Variants in LAMC1 observed in about 807,000 individuals in gnomAD.
LAMC1 encodes laminin subunit gamma 1, also known as laminin subunit gamma-1.
Under a neutral mutation model 173.6 loss-of-function variants are expected in LAMC1, and 38 were observed. The observed-to-expected ratio is 0.22, with a 90% CI of 0.17 to 0.29. LAMC1 has a LOEUF of 0.29. Ranked by LOEUF, LAMC1 falls within the 10% of genes least tolerant of loss-of-function variation. The pLI is 1.00. For synonymous variants in LAMC1, 746 were observed against 749.1 expected, an observed-to-expected ratio of 1.00 and a Z score of 0.07; for missense variants, 1,824 against 2,051.8, an observed-to-expected ratio of 0.89 and a Z score of 2.14.
chr1:183,131,600 A>G (rs1656793393), intron 20 of LAMC1, among the ~76,000 whole-genome samples: 1 of 152,216 alleles, frequency 6.6e-6, no homozygotes, highest in South Asian at 2.1e-4. Context: ...TTTGAATATT[A>G]GAATACAATG....
At chr1:183,114,483 TC>T in intron 4 of LAMC1, 47 bp from the exon 5 acceptor site, 1 of 1,588,078 alleles carries the variant, frequency 6.3e-7, no homozygotes, top group Middle Eastern at 1.7e-4. Context: ...AAAATGCTCT[TC>T]TTAAAGGTAC....
intron 1 of LAMC1, among the ~76,000 whole-genome samples, chr1:183,102,881 G>A (rs917051091): frequency 2.0e-5 from 3 of 152,206 alleles, no homozygotes; most frequent in Admixed American, 6.5e-5. Context: ...CAAGAGTAAC[G>A]TTACAGTTAA....
chr1:183,121,802 C>T lies in LAMC1; in HGVS notation c.2070C>T (p.Cys690=). The change falls in exon 12 of 28, where the codon TGC becomes TGT. Residue 690 remains cysteine, a synonymous_variant. Coordinates refer to ENST00000258341, the MANE Select transcript of LAMC1 (RefSeq NM_002293.4). ...PGVPATWVES[C]TCPVGYGGQF... is the part of the protein sequence containing the mutation. ...TCCCTGCAACTTGGGTGGAGTCCTG[C>T]ACCTGTCCTGTGGGATATGGAGGGC... is the stretch of plus-strand genomic sequence containing the variant. The T allele has an allele frequency of 1.2e-6, 2 of 1,614,180 alleles. No homozygotes were observed. The highest frequency in any genetic ancestry group is 1.7e-6 in the Non-Finnish European group (2 of 1,180,014).
chr1:183,042,910 A>G (rs969626946), intron 1 of LAMC1, among the ~76,000 whole-genome samples: 4 of 152,146 alleles, frequency 2.6e-5, no homozygotes, highest in Non-Finnish European at 5.9e-5. Flanking sequence ...CCACATGGGC[A>G]TTGTCTGAAT....
At chr1:183,133,658 A>C in intron 22 of LAMC1, 108 bp downstream of exon 22, 2 of 1,131,416 alleles carry the variant, frequency 1.8e-6, no homozygotes, top group South Asian at 3.8e-5. Context: ...TCGCTGGTAA[A>C]GTTGAGTCTT....
At chr1:183,036,537 C>A (rs1338970527) in intron 1 of LAMC1, among the ~76,000 whole-genome samples, 1 of 149,364 alleles carries the variant, frequency 6.7e-6, no homozygotes, top group Admixed American at 6.7e-5. Flanking sequence ...CAAGTAGCTG[C>A]GATTACAGGC....
intron 19 of LAMC1, 44 bp downstream of exon 19, chr1:183,130,593 T>G (rs1361498876): frequency 6.6e-7 from 1 of 1,526,190 alleles, no homozygotes; most frequent in Admixed American, 1.7e-5. Context: ...GGGAGGCCCC[T>G]GGGGTTTGTA....
intron 1 of LAMC1, among the ~76,000 whole-genome samples, chr1:183,075,230 G>C (rs1412884384): frequency 6.6e-6 from 1 of 150,746 alleles, no homozygotes; most frequent in Admixed American, 6.6e-5. Flanking sequence ...AGGCTCACAT[G>C]ATTCTCCCAC....
intron 1 of LAMC1, among the ~76,000 whole-genome samples, chr1:183,077,814 T>A (rs910689642): frequency 8.4e-5 from 11 of 130,878 alleles, no homozygotes; most frequent in East Asian, 2.2e-4. Flanking sequence ...ACAGTTTTTT[T>A]ATTCACTCAT....
At chr1:183,029,011 A>G (rs1008370038) in intron 1 of LAMC1, among the ~76,000 whole-genome samples, 2 of 152,172 alleles carry the variant, frequency 1.3e-5, no homozygotes, top group Non-Finnish European at 2.9e-5. Flanking sequence ...TATCTCAGTG[A>G]ACTACACTGC....
chr1:183,066,705 A>G (rs1654882279), intron 1 of LAMC1, among the ~76,000 whole-genome samples: 1 of 152,208 alleles, frequency 6.6e-6, no homozygotes, highest in Non-Finnish European at 1.5e-5. Flanking sequence ...TAACACAGGA[A>G]CAGAAAACCA....
At chr1:183,102,799 CCTT>C (rs1655868502) in intron 1 of LAMC1, among the ~76,000 whole-genome samples, 1 of 152,140 alleles carries the variant, frequency 6.6e-6, no homozygotes, top group African/African-American at 2.4e-5. Context: ...CACTGTCCTC[CCTT>C]CTTCAAATGT....
chr1:183,073,643 A>G (rs545220937), intron 1 of LAMC1, among the ~76,000 whole-genome samples: 1 of 152,346 alleles, frequency 6.6e-6, no homozygotes, highest in South Asian at 2.1e-4. Context: ...GGTGTCTGGT[A>G]TAAGCAAGTG....
intron 1 of LAMC1, among the ~76,000 whole-genome samples, chr1:183,088,343 A>G (rs1443526105): frequency 3.9e-5 from 6 of 152,228 alleles, no homozygotes; most frequent in Non-Finnish European, 8.8e-5. Context: ...ACAGTGCCCT[A>G]GGGATTGTAG....
chr1:183,063,718 T>C (rs1274488119), intron 1 of LAMC1, among the ~76,000 whole-genome samples: 1 of 152,236 alleles, frequency 6.6e-6, no homozygotes, highest in Non-Finnish European at 1.5e-5. Flanking sequence ...GTCTCATCAA[T>C]TCCATTTGAA....
chr1:183,045,792 G>A (rs2102018895), intron 1 of LAMC1, among the ~76,000 whole-genome samples: 1 of 152,076 alleles, frequency 6.6e-6, no homozygotes, highest in South Asian at 2.1e-4. Flanking sequence ...GTGTTAATAG[G>A]CCTGTTGATC....
Position 183,134,736 on chromosome 1 carries a change from A to C in LAMC1, c.3926A>C (p.Asp1309Ala). 1 of 1,612,580 alleles carries C rather than the reference A, an allele frequency of 6.2e-7. No individual in the cohort carries two copies. The highest frequency in any genetic ancestry group is 8.5e-7 in the Non-Finnish European group (1 of 1,178,606). Residue 1309 changes from aspartate to alanine, a missense_variant, in exon 23 of 28, where the codon GAC (aspartate) becomes GCC (alanine). Asp to Ala is a moderately radical substitution (Grantham distance 126). Coordinates refer to ENST00000258341, the MANE Select transcript of LAMC1 (RefSeq NM_002293.4). ...GACCAGAAATTAAAAGATTATGAGG[A>C]CCTCAGAGAAGATATGAGAGGGAAG... ...LIDQKLKDYE[D>A]LREDMRGKEL... is the part of the protein sequence containing the mutation.
intron 13 of LAMC1, among the ~76,000 whole-genome samples, chr1:183,123,701 G>A (rs952815624): frequency 6.6e-6 from 1 of 152,112 alleles, no homozygotes; most frequent in Non-Finnish European, 1.5e-5. Context: ...CCTATCTGAA[G>A]TAATCTTGTT....
chr1:183,121,601 G>A, intron 11 of LAMC1, 122 bp from the exon 12 acceptor site: 1 of 758,588 alleles, frequency 1.3e-6, no homozygotes, highest in Non-Finnish European at 2.1e-6. Context: ...TCAGAGCCCA[G>A]TTAAGCAAAT....
Sources: allele counts gnomAD v4.1 joint callset (sites outside exome capture counted in the v4.1 genomes callset), GRCh38; gene constraint gnomAD v4.1.1; transcripts MANE v1.5; gene names NCBI Gene and HGNC (gene_info 2026-07-23, HGNC 2026-07-21).